Variants in SEMA4C observed in about 807,000 individuals in gnomAD.
The protein encoded by SEMA4C is semaphorin-4C.
SEMA4C carries 19 observed loss-of-function variants against 89.0 expected under a neutral mutation model. That is an observed-to-expected ratio of 0.21 (90% CI 0.15 to 0.31). The LOEUF is 0.31. Among genes scored for constraint, SEMA4C ranks in the 10% least tolerant of loss-of-function variants. SEMA4C has a pLI of 1.00. For missense variants in SEMA4C, 811 were observed against 1,107.0 expected, an observed-to-expected ratio of 0.73 and a Z score of 3.79; for synonymous variants, 428 against 472.7, an observed-to-expected ratio of 0.91 and a Z score of 1.23.
chr2:96,867,856 C>CCAGCAGCCAGA lies in SEMA4C; in HGVS notation c.20_30dup (p.Ala11SerfsTer35). On this transcript the variant is annotated frameshift_variant, in exon 2 of 15. Transcript: ENST00000305476. LOFTEE classifies it high-confidence loss of function. ...ATGCCCAGGCCCCACAGCCTTGCTG[C>CCAGCAGCCAGA]CAGCAGCCAGACAGCCCAGTGTGGG... 6.2e-7 allele frequency: 1 copy of CCAGCAGCCAGA among 1,613,656 alleles called. No homozygotes were observed. Among genetic ancestry groups the CCAGCAGCCAGA allele is most frequent in the Non-Finnish European group, 8.5e-7 (1 of 1,180,004 alleles).
At position 96,870,058 on chromosome 2, in the gene SEMA4C, C is replaced by A; in HGVS notation, c.-220G>T. The A allele has an allele frequency of 1.0e-6, 1 of 976,038 alleles. No individual in the cohort carries two copies. 60.5% of individuals were successfully genotyped at this position (976,038 alleles called of 1,614,324 possible). On this transcript the variant is annotated 5_prime_UTR_variant, in exon 1 of 15. Transcript: ENST00000305476. ...TAGGCTCGGGCTCCCCGCGCCACCA[C>A]GGCGGGCGCCGGCTCTTTCTCCAGC...
At chr2:96,870,410 G>C (rs1031850428), upstream of SEMA4C, 3 of 904,190 alleles carry the variant, frequency 3.3e-6, no homozygotes, top group Non-Finnish European at 4.0e-6. Context: ...CGAAGACTCC[G>C]GGCGGGCTGG....
chr2:96,865,127 G>A lies in SEMA4C; in HGVS notation c.635-12C>T. 5 of 1,587,514 alleles carry A rather than the reference G, an allele frequency of 3.1e-6. No homozygotes were observed. The highest frequency in any genetic ancestry group is 4.3e-6 in the Non-Finnish European group (5 of 1,166,860). On this transcript the variant is annotated splice_polypyrimidine_tract_variant and intron_variant, in intron 7 of 14. Transcript: ENST00000305476. ...TACAAAGTGAGGTTCTGTGGGAAGG[G>A]GAGGAGGTCAGCAGGGAGGGGCTGG... is the stretch of plus-strand genomic sequence containing the variant.
At position 96,861,636 on chromosome 2, in the gene SEMA4C, G is replaced by A; in HGVS notation, c.1615C>T (p.Gln539Ter). 6.3e-7 allele frequency: 1 copy of A among 1,577,958 alleles called. No homozygotes were observed. Among genetic ancestry groups the A allele is most frequent in the Non-Finnish European group, 8.6e-7 (1 of 1,158,576 alleles). ...VGGHSGSLLI[Q>*]HVMTSDTSGI... ...GAAGTGTCCGAGGTCATCACATGCTGGATCAGTAGAGATCTGGTAGGGGAT... is the reference window on the plus strand; with the variant it reads ...GAAGTGTCCGAGGTCATCACATGCTAGATCAGTAGAGATCTGGTAGGGGAT... The change falls in exon 14 of 15, where the codon CAG becomes TAG. Residue 539 changes from glutamine (Q) to a stop codon, truncating the protein, a stop_gained. Transcript: ENST00000305476. LOFTEE classifies it high-confidence loss of function. This position sits in a 1 kb window ranked among gnomAD's most constrained non-coding sequence, Gnocchi z 7.8.
In SEMA4C at chr2:96,860,407, A is replaced by G. The variant is rs767302041; in HGVS notation, c.*219T>C. On this transcript the variant is annotated 3_prime_UTR_variant, in exon 15 of 15. Transcript: ENST00000305476. ...TCCCGCGTGTCTGTGATTCACAGAG[A>G]GGAGGAAGATGCCTTCTGCGAGGCT... is the stretch of plus-strand genomic sequence containing the variant. 3.8e-6 allele frequency: 2 copies of G among 528,476 alleles called. No homozygotes were observed. 32.7% of individuals were successfully genotyped at this position (528,476 alleles called of 1,614,324 possible).
intron 1 of SEMA4C, chr2:96,869,237 C>G: frequency 1.0e-6 from 1 of 985,338 alleles, no homozygotes; most frequent in Non-Finnish European, 1.2e-6. Context: ...CGCCCGGCAG[C>G]GGTGCTCCCA....
chr2:96,866,512 C>G (rs1315616394), intron 2 of SEMA4C, 81 bp from the exon 3 acceptor site: 7 of 1,580,204 alleles, frequency 4.4e-6, no homozygotes, highest in Admixed American at 1.7e-5. Context: ...AGAGCCAGCA[C>G]CCCATGCCAC....
rs2079934533 is a variant in SEMA4C at position 96,861,188 on chromosome 2, G to A, written c.1940C>T (p.Ala647Val). ...GGCCTCCAAGGTCACCGACGGGCCT[G>A]CCACGACAGCCACAAGGTAGCCTTC... ...AAEGYLVAVV[A>V]GPSVTLEARA... Residue 647 changes from alanine to valine, a missense_variant, in exon 15 of 15, where the codon GCA becomes GTA. Physicochemically the swap from Ala to Val is moderately conservative, Grantham distance 64 (BLOSUM62 0). Around this residue, in one of 4 missense-constraint regions of SEMA4C, gnomAD observed 248 missense variants for 269.0 expected, o/e 0.92. Transcript: ENST00000305476. This position sits in a 1 kb window ranked among gnomAD's most constrained non-coding sequence, Gnocchi z 7.8. 2 of 1,609,954 alleles carry A rather than the reference G, an allele frequency of 1.2e-6. No homozygotes were observed. Among genetic ancestry groups the A allele is most frequent in the Non-Finnish European group, 1.7e-6 (2 of 1,179,698 alleles).
At position 96,865,366 on chromosome 2, in the gene SEMA4C, C is replaced by T. The variant is rs769005098; in HGVS notation, c.518-46G>A. The T allele has an allele frequency of 1.9e-6, 3 of 1,611,658 alleles. No individual in the cohort carries two copies. The East Asian group carries it at 6.7e-5, about 36-fold the overall frequency. ...CTAGGCCACACATGAGGTATGGACA[C>T]ATCCGGCCAACACAGACCCAAGTGG... On this transcript the variant is annotated intron_variant, in intron 6 of 14. Transcript: ENST00000305476.
chr2:96,863,804 G>T lies in SEMA4C; in HGVS notation c.1331-10C>A. 1 of 1,612,238 alleles carries T rather than the reference G, an allele frequency of 6.2e-7. No homozygotes were observed. On this transcript the variant is annotated splice_polypyrimidine_tract_variant and intron_variant, in intron 11 of 14. Transcript: ENST00000305476. ...AGCAGCCAGCCGTCTCCTGGGGGGT[G>T]CAGAGGAGAAGGTGTAAATGAGAGG...
Position 96,861,680 on chromosome 2 carries a change from C to G in SEMA4C, c.1602-31G>C. 6.3e-7 allele frequency: 1 copy of G among 1,596,046 alleles called. No individual in the cohort carries two copies. Among genetic ancestry groups the G allele is most frequent in the Non-Finnish European group, 8.6e-7 (1 of 1,168,456 alleles). On this transcript the variant is annotated intron_variant, in intron 13 of 14. Transcript: ENST00000305476. The surrounding 1 kb of genome is among the most constrained non-coding windows in gnomAD (Gnocchi z 7.8). Reference sequence around the variant, plus strand: ...AGGGGATGTAGGGTACATCAGCAGCCTGGCTCCAACCACCCTGAGTCCCTG... The same window carrying G: ...AGGGGATGTAGGGTACATCAGCAGCGTGGCTCCAACCACCCTGAGTCCCTG...
chr2:96,868,238 G>A (rs1187867240), intron 1 of SEMA4C, among the ~76,000 whole-genome samples: 1 of 152,206 alleles, frequency 6.6e-6, no homozygotes, highest in Non-Finnish European at 1.5e-5. Context: ...GGGGACCCCC[G>A]CCCAACATAC....
rs368224836 is a variant in SEMA4C at position 96,861,498 on chromosome 2, G to A, written c.1673-43C>T. The A allele has an allele frequency of 6.2e-7, 1 of 1,609,822 alleles. No individual in the cohort carries two copies. Among genetic ancestry groups the A allele is most frequent in the Non-Finnish European group, 8.5e-7 (1 of 1,176,680 alleles). On this transcript the variant is annotated intron_variant, in intron 14 of 14. Transcript: ENST00000305476. This position sits in a 1 kb window ranked among gnomAD's most constrained non-coding sequence, Gnocchi z 7.8. The stretch of plus-strand genomic sequence containing the variant: ...ACAGAGTGCATGTTAGTGCAGGAAA[G>A]CAGGGCTGGGGAAGAGGAGAACAGA...
chr2:96,865,604 G>A (rs1559035348), intron 5 of SEMA4C, 62 bp downstream of exon 5: 2 of 1,572,542 alleles, frequency 1.3e-6, no homozygotes, highest in East Asian at 4.5e-5. Flanking sequence ...ACATCCACGA[G>A]TCCAGAGAAG....
At position 96,864,130 on chromosome 2, in the gene SEMA4C, G is replaced by T. The variant is rs992146412; in HGVS notation, c.1126C>A (p.Arg376=). Residue 376 remains arginine (R), a synonymous_variant, in exon 11 of 15, where the codon CGG becomes AGG. Transcript: ENST00000305476. This position sits in a 1 kb window ranked among gnomAD's most constrained non-coding sequence, Gnocchi z 6.3. ...AGGGAGCTGGTGTAGCCGTGGCGCC[G>T]ATGCCAGTTGTTAATGCACTGGGGG... The part of the protein sequence containing the change: ...RPGSCINNWH[R]RHGYTSSLEL... 1 of 1,612,496 alleles carries T rather than the reference G, an allele frequency of 6.2e-7. No homozygotes were observed. The highest frequency in any genetic ancestry group is 1.3e-5 in the African/African-American group (1 of 74,844).
rs755416930 is a variant in SEMA4C at position 96,860,937 on chromosome 2, A to G, written c.2191T>C (p.Trp731Arg). 4 of 1,613,038 alleles carry G rather than the reference A, an allele frequency of 2.5e-6. No individual in the cohort carries two copies. Among genetic ancestry groups the G allele is most frequent in the South Asian group, 2.2e-5 (2 of 91,090 alleles). ...RPCPEPDEKLWDPVGYYYSDG... is the reference protein window; with the variant it reads ...RPCPEPDEKLRDPVGYYYSDG... ...GAATAGTAGTAACCGACAGGATCCC[A>G]AAGTTTCTCATCTGGTTCAGGACAG... The change falls in exon 15 of 15, where the codon TGG becomes CGG. Residue 731 changes from tryptophan (W) to arginine (R), a missense_variant. By Grantham distance (101) the Trp-to-Arg change is moderately radical. Around this residue, in one of 4 missense-constraint regions of SEMA4C, gnomAD observed 248 missense variants for 269.0 expected, o/e 0.92. Coordinates refer to ENST00000305476, the MANE Select transcript of SEMA4C (RefSeq NM_017789.5).
At chr2:96,869,084 C>T (rs2080148322) in intron 1 of SEMA4C, 1 of 985,400 alleles carries the variant, frequency 1.0e-6, no homozygotes, top group Admixed American at 6.1e-5. Flanking sequence ...CGAGCCCGGC[C>T]TGCGGACGCC....
rs772232594 is a variant in SEMA4C at position 96,860,804 on chromosome 2, C to T, written c.2324G>A (p.Arg775Gln). Reference protein sequence around the residue: ...IPGQPLPSPTRLHLGGGRNSN... With the variant: ...IPGQPLPSPTQLHLGGGRNSN... Reference sequence around the variant, plus strand: ...GTTCCGCCCACCCCCCAGGTGAAGCCGAGTTGGAGAAGGCAGAGGCTGGCC... The same window carrying T: ...GTTCCGCCCACCCCCCAGGTGAAGCTGAGTTGGAGAAGGCAGAGGCTGGCC... Residue 775 changes from arginine to glutamine, a missense_variant, in exon 15 of 15, where the codon CGG (arginine) becomes CAG (glutamine). Arg to Gln is a conservative substitution (Grantham distance 43). Coordinates refer to ENST00000305476, the MANE Select transcript of SEMA4C (RefSeq NM_017789.5). 13 of 1,613,780 alleles carry T rather than the reference C, an allele frequency of 8.1e-6. No homozygotes were observed. In the East Asian group the frequency reaches 1.1e-4, roughly 14 times the overall value.
At chr2:96,862,593 T>C (rs1224236727) in intron 12 of SEMA4C, 1 of 152,200 alleles carries the variant, frequency 6.6e-6, no homozygotes, top group Non-Finnish European at 1.5e-5. Context: ...CCAGGCGCAG[T>C]GGCTCACGCC....
Sources: gnomAD v4.1 joint callset for allele counts (sites outside exome capture counted in the v4.1 genomes callset) on GRCh38, gnomAD v4.1.1 for gene constraint, gnomAD v4.1.1 regional missense constraint, Gnocchi (gnomAD v3.1) non-coding constraint, MANE v1.5 for transcripts, NCBI Gene and HGNC (gene_info 2026-07-23, HGNC 2026-07-21) for gene names.